KCNQ3: variants seen among roughly 807,000 people sequenced by gnomAD.
The protein encoded by KCNQ3 is potassium voltage-gated channel subfamily Q member 3.
Under a neutral mutation model 92.5 loss-of-function variants are expected in KCNQ3, and 30 were observed. The observed-to-expected ratio is 0.32, with a 90% CI of 0.24 to 0.44. KCNQ3 has a LOEUF of 0.44. Ranked by LOEUF, KCNQ3 falls within the 20% of genes least tolerant of loss-of-function variation. The pLI, the probability that KCNQ3 is intolerant of heterozygous loss-of-function variation, is 1.00. For missense variants in KCNQ3, 913 were observed against 1,140.3 expected (o/e 0.80, Z 2.87); for synonymous variants, 450 against 468.8 (o/e 0.96, Z 0.52).
In KCNQ3 at chr8:132,121,374, ATCTT is replaced by A. The variant is rs1018773155; in HGVS notation, c.*7884_*7887del. On this transcript the variant is annotated 3_prime_UTR_variant, in exon 15 of 15. Coordinates refer to ENST00000388996, the MANE Select transcript of KCNQ3 (RefSeq NM_004519.4). Reference sequence around the variant, plus strand: ...CTGACAAATCTGATGAAGTCCACCTATCTTTCTAAGTTGATTTTTCAGGATGGCA... The same window carrying A: ...CTGACAAATCTGATGAAGTCCACCTATCTAAGTTGATTTTTCAGGATGGCA... 1 of 152,186 alleles carries A rather than the reference ATCTT, an allele frequency of 6.6e-6. No homozygotes were observed. Among genetic ancestry groups the A allele is most frequent in the African/African-American group, 2.4e-5 (1 of 41,450 alleles). The allele number at this position is 152,186 out of a possible 1,614,324, so 9.4% of individuals were successfully genotyped here.
intron 14 of KCNQ3, among the ~76,000 whole-genome samples, chr8:132,130,701 T>C (rs752647368): frequency 7.9e-5 from 12 of 152,242 alleles, no homozygotes; most frequent in Non-Finnish European, 1.6e-4. Flanking sequence ...TGTTAGTCTA[T>C]GTTTCTTCTA....
At chr8:132,336,208 G>T (rs1327621985) in intron 1 of KCNQ3, among the ~76,000 whole-genome samples, 2 of 152,182 alleles carry the variant, frequency 1.3e-5, no homozygotes, top group Admixed American at 6.5e-5. Flanking sequence ...TGCCAGCAGG[G>T]TTTCCAGAAG....
chr8:132,431,055 T>A (rs540213140), intron 1 of KCNQ3, among the ~76,000 whole-genome samples: 1 of 152,254 alleles, frequency 6.6e-6, no homozygotes, highest in Non-Finnish European at 1.5e-5. Context: ...TAAGAGCAGC[T>A]CCTCATCTTC....
intron 1 of KCNQ3, among the ~76,000 whole-genome samples, chr8:132,268,315 C>T (rs1264856803): frequency 6.6e-6 from 1 of 152,130 alleles, no homozygotes; most frequent in African/African-American, 2.4e-5. Context: ...CTCAGTTGGT[C>T]ACCCAGCAGC....
chr8:132,134,211 C>A (rs1419323565), intron 13 of KCNQ3, 79 bp downstream of exon 13: 2 of 1,034,934 alleles, frequency 1.9e-6, no homozygotes, highest in Non-Finnish European at 1.5e-6. Flanking sequence ...ACATAAAGGA[C>A]CCCAGCAGAG....
chr8:132,136,889 A>G (rs1278457268), intron 12 of KCNQ3, among the ~76,000 whole-genome samples: 1 of 130,450 alleles, frequency 7.7e-6, no homozygotes. Context: ...TTTGAGATGC[A>G]GTCTCACTCT....
chr8:132,304,490 G>A (rs1817355542), intron 1 of KCNQ3, among the ~76,000 whole-genome samples: 1 of 152,150 alleles, frequency 6.6e-6, no homozygotes, highest in African/African-American at 2.4e-5. Context: ...GATAGTAAGA[G>A]CAGCCCTATA....
At chr8:132,187,332 G>T in intron 1 of KCNQ3, 1 of 447,622 alleles carries the variant, frequency 2.2e-6, no homozygotes, top group Admixed American at 2.4e-5. Flanking sequence ...ACAGAAAGTT[G>T]TCTCATGGTG....
At chr8:132,260,729 T>C (rs1212604240) in intron 1 of KCNQ3, among the ~76,000 whole-genome samples, 1 of 152,132 alleles carries the variant, frequency 6.6e-6, no homozygotes, top group Non-Finnish European at 1.5e-5. Flanking sequence ...TTTTCATTTA[T>C]CAACTTCTGC....
chr8:132,358,649 T>C (rs1819079757), intron 1 of KCNQ3, among the ~76,000 whole-genome samples: 3 of 145,944 alleles, frequency 2.1e-5, no homozygotes, highest in Non-Finnish European at 4.5e-5. Context: ...TGACTGGGGC[T>C]GTTCAAAAAG....
chr8:132,384,741 T>C (rs1288834564), intron 1 of KCNQ3, among the ~76,000 whole-genome samples: 1 of 152,220 alleles, frequency 6.6e-6, no homozygotes, highest in Non-Finnish European at 1.5e-5. Context: ...ATAGAAGCAG[T>C]ATATTAAAGT....
At chr8:132,202,766 C>T (rs1038555261) in intron 1 of KCNQ3, among the ~76,000 whole-genome samples, 1 of 152,174 alleles carries the variant, frequency 6.6e-6, no homozygotes, top group African/African-American at 2.4e-5. Context: ...TCACTGCAAC[C>T]TCTGCCTCCC....
At chr8:132,220,110 T>C (rs941584805) in intron 1 of KCNQ3, among the ~76,000 whole-genome samples, 4 of 152,174 alleles carry the variant, frequency 2.6e-5, no homozygotes, top group African/African-American at 9.7e-5. Flanking sequence ...TGGGTTTATT[T>C]ATTGGCAGAG....
chr8:132,356,960 A>G (rs116598060), intron 1 of KCNQ3, among the ~76,000 whole-genome samples: 168 of 152,282 alleles, frequency 1.1e-3, no homozygotes, highest in African/African-American at 4.0e-3. Flanking sequence ...GAGGTTTTAC[A>G]GTCACGTGGC....
chr8:132,457,095 GGA>G (rs1407425827), intron 1 of KCNQ3, among the ~76,000 whole-genome samples: 8 of 72,030 alleles, frequency 1.1e-4, no homozygotes, highest in African/African-American at 5.4e-4. Flanking sequence ...ATCACAGAAG[GGA>G]GTGGTCCTCA....
In KCNQ3 at chr8:132,161,717, G is replaced by A. The variant is rs905609029; in HGVS notation, c.1262+1751C>T. On this transcript the variant is annotated intron_variant, in intron 9 of 14. Coordinates refer to ENST00000388996, the MANE Select transcript of KCNQ3 (RefSeq NM_004519.4). The stretch of plus-strand genomic sequence containing the variant: ...AAGGTTGGAACACCAGGTGGCTGTC[G>A]GCCTGTTGAAGAAGCTATTGTAAGG... Among the ~76,000 whole-genome samples the A allele has an allele frequency of 3.9e-5, 6 of 152,132 alleles. No individual in the cohort carries two copies. In the South Asian group the frequency reaches 8.3e-4, roughly 21 times the overall value.
intron 1 of KCNQ3, among the ~76,000 whole-genome samples, chr8:132,367,642 T>G (rs1161610859): frequency 6.6e-6 from 1 of 152,222 alleles, no homozygotes; most frequent in Non-Finnish European, 1.5e-5. Context: ...AAAGATACAA[T>G]CAGACAATAA....
intron 1 of KCNQ3, among the ~76,000 whole-genome samples, chr8:132,319,562 A>C (rs1817840981): frequency 6.6e-6 from 1 of 152,228 alleles, no homozygotes; most frequent in Non-Finnish European, 1.5e-5. Context: ...CAGGCTGCCC[A>C]AGACTCTGCA....
intron 1 of KCNQ3, among the ~76,000 whole-genome samples, chr8:132,404,247 T>A (rs1299036837): frequency 6.6e-6 from 1 of 152,218 alleles, no homozygotes; most frequent in Non-Finnish European, 1.5e-5. Flanking sequence ...GGTGGGCTTC[T>A]GTCATTTGAG....
Sources: gnomAD v4.1 joint callset for allele counts (sites outside exome capture counted in the v4.1 genomes callset) on GRCh38, gnomAD v4.1.1 for gene constraint, MANE v1.5 for transcripts, NCBI Gene and HGNC (gene_info 2026-07-23, HGNC 2026-07-21) for gene names.